The following PSPC1 variants were observed in gnomAD, a reference collection of about 807,000 sequenced individuals.
PSPC1 encodes paraspeckle protein 1.
Under a neutral mutation model 51.6 loss-of-function variants are expected in PSPC1, and 14 were observed. The observed-to-expected ratio is 0.27, with a 90% CI of 0.18 to 0.42. The LOEUF is 0.42. PSPC1 is among the 10% of genes least tolerant of loss of function. PSPC1 has a pLI of 1.00. For missense variants in PSPC1, 406 were observed against 701.1 expected (o/e 0.58, Z 4.75); for synonymous variants, 193 against 231.9 (o/e 0.83, Z 1.53).
intron 1 of PSPC1, among the ~76,000 whole-genome samples, chr13:19,777,870 A>C (rs1171545086): frequency 3.4e-5 from 5 of 147,190 alleles, no homozygotes; most frequent in South Asian, 2.2e-4. Flanking sequence ...CGCTTGAACC[A>C]GGGAGGCAGA....
At chr13:19,705,484 T>C (rs959583495) in intron 8 of PSPC1, among the ~76,000 whole-genome samples, 178 bp downstream of exon 8, 1 of 149,630 alleles carries the variant, frequency 6.7e-6, no homozygotes, top group Non-Finnish European at 1.5e-5. Flanking sequence ...AGTGCGAGAC[T>C]CTCTGTCTCA....
intron 2 of PSPC1, among the ~76,000 whole-genome samples, chr13:19,764,106 T>C (rs898028848): frequency 1.3e-5 from 2 of 152,124 alleles, no homozygotes; most frequent in African/African-American, 4.8e-5. Flanking sequence ...TGTTAATTTA[T>C]TTACAAAAAA....
chr13:19,676,449 A>AT (rs556494351), intron 7 of PSPC1, among the ~76,000 whole-genome samples: 103 of 152,166 alleles, frequency 6.8e-4, no homozygotes, highest in Non-Finnish European at 1.3e-3. Context: ...CAGCTGTCAC[A>AT]TTTTTGTGCT....
intron 3 of PSPC1, among the ~76,000 whole-genome samples, chr13:19,755,451 G>A (rs1178733814): frequency 6.6e-6 from 1 of 151,978 alleles, no homozygotes; most frequent in African/African-American, 2.4e-5. Context: ...AGCTGAGCAT[G>A]GTTATGTGCG....
At chr13:19,728,290 GA>G (rs1883600363) in intron 6 of PSPC1, among the ~76,000 whole-genome samples, 1 of 152,096 alleles carries the variant, frequency 6.6e-6, no homozygotes, top group African/African-American at 2.4e-5. Context: ...AGGAAGGCAA[GA>G]AGAGAGAGGT....
At chr13:19,679,389 G>A (rs1593510432) in intron 6 of PSPC1, among the ~76,000 whole-genome samples, 2 of 152,136 alleles carry the variant, frequency 1.3e-5, no homozygotes, top group African/African-American at 4.8e-5. Context: ...CCAACTAATT[G>A]GCAGGCTGAA....
At chr13:19,711,586 C>T (rs547741900) in intron 6 of PSPC1, among the ~76,000 whole-genome samples, 5 of 147,164 alleles carry the variant, frequency 3.4e-5, no homozygotes, top group East Asian at 4.1e-4. Context: ...TGCAGTGAGC[C>T]GAGATCGCAC....
At chr13:19,696,001 G>C (rs1367732324) in intron 6 of PSPC1, among the ~76,000 whole-genome samples, 1 of 152,026 alleles carries the variant, frequency 6.6e-6, no homozygotes, top group African/African-American at 2.4e-5. Context: ...GCCTAATGTC[G>C]TAGACCTGGG....
At chr13:19,683,438 A>G (rs1877510954) in intron 6 of PSPC1, among the ~76,000 whole-genome samples, 1 of 152,214 alleles carries the variant, frequency 6.6e-6, no homozygotes, top group Non-Finnish European at 1.5e-5. Flanking sequence ...GTACCATTCC[A>G]TTTCTATGAA....
At chr13:19,700,780 AAGAT>A (rs1879808029), downstream of PSPC1, among the ~76,000 whole-genome samples, 1 of 152,242 alleles carries the variant, frequency 6.6e-6, no homozygotes, top group South Asian at 2.1e-4. Flanking sequence ...TTATAAAAAA[AAGAT>A]AGCATATATG....
intron 5 of PSPC1, among the ~76,000 whole-genome samples, chr13:19,739,731 G>A (rs573462898): frequency 7.2e-5 from 11 of 151,976 alleles, no homozygotes; most frequent in South Asian, 2.1e-4. Flanking sequence ...CAGCAAGAGC[G>A]AAACTCCGTC....
chr13:19,755,265 A>T (rs1031112670), intron 3 of PSPC1, among the ~76,000 whole-genome samples: 4 of 151,980 alleles, frequency 2.6e-5, no homozygotes, highest in African/African-American at 9.7e-5. Flanking sequence ...AAGAAAAGAA[A>T]GAGAAATAGC....
intron 1 of PSPC1, among the ~76,000 whole-genome samples, chr13:19,775,552 G>A (rs1167889303): frequency 6.6e-6 from 1 of 152,112 alleles, no homozygotes; most frequent in African/African-American, 2.4e-5. Context: ...TTTTAGTACT[G>A]GAGGAGGTCC....
At chr13:19,671,354 C>A, downstream of PSPC1, 2 of 1,448,564 alleles carry the variant, frequency 1.4e-6, no homozygotes, top group South Asian at 1.2e-5. Flanking sequence ...ACTTTATCAA[C>A]ATTAGAAAAA....
intron 6 of PSPC1, among the ~76,000 whole-genome samples, chr13:19,685,544 G>C (rs1335949213): frequency 6.6e-6 from 1 of 152,206 alleles, no homozygotes; most frequent in Non-Finnish European, 1.5e-5. Context: ...CAGAAGGTCT[G>C]AAGATTGTGT....
At chr13:19,779,759 A>T in intron 1 of PSPC1, among the ~76,000 whole-genome samples, 1 of 75,700 alleles carries the variant, frequency 1.3e-5, no homozygotes, top group Admixed American at 1.3e-4. Context: ...CCGCCCAGCC[A>T]GCCGGCCCGT....
intron 2 of PSPC1, among the ~76,000 whole-genome samples, chr13:19,761,369 A>G (rs1395556428): frequency 1.3e-5 from 2 of 152,132 alleles, no homozygotes; most frequent in South Asian, 2.1e-4. Flanking sequence ...TGGCACACTG[A>G]TATTAAAATT....
At chr13:19,678,115 A>G (rs1414343328) in intron 6 of PSPC1, 3 of 282,988 alleles carry the variant, frequency 1.1e-5, no homozygotes, top group Non-Finnish European at 2.1e-5. Flanking sequence ...CTAATAATTT[A>G]TTAAGAATTT....
intron 4 of PSPC1, among the ~76,000 whole-genome samples, chr13:19,744,507 A>C (rs1885752730): frequency 6.6e-6 from 1 of 152,192 alleles, no homozygotes. Flanking sequence ...TGCCATGATA[A>C]TATCTTTCTA....
Sources: allele counts gnomAD v4.1 joint callset (sites outside exome capture counted in the v4.1 genomes callset), GRCh38; gene constraint gnomAD v4.1.1; transcripts MANE v1.5; gene names NCBI Gene and HGNC (gene_info 2026-07-23, HGNC 2026-07-21).